DIAPH3: variants seen among roughly 807,000 people sequenced by gnomAD.
The protein encoded by DIAPH3 is diaphanous related formin 3.
In DIAPH3, 117 loss-of-function variants were observed where a neutral mutation model predicts 144.3. The observed-to-expected ratio is 0.81, with a 90% CI of 0.70 to 0.95. The LOEUF (loss-of-function observed/expected upper bound fraction) is 0.95, where lower values mean the gene tolerates loss of function less well. DIAPH3 is among the 40% of genes least tolerant of loss of function. The probability of loss-of-function intolerance (pLI) is 0.00; values close to 1 mark genes in which losing one functional copy is unlikely to be tolerated. For synonymous variants in DIAPH3, 519 were observed against 488.9 expected (o/e 1.06, Z -0.81); for missense variants, 1,421 against 1,412.7 (o/e 1.01, Z -0.09).
intron 17 of DIAPH3, among the ~76,000 whole-genome samples, chr13:59,934,715 A>G (rs2048180953): frequency 6.6e-6 from 1 of 152,132 alleles, no homozygotes. Flanking sequence ...AGAGAATATA[A>G]GCTACATGCT....
intron 25 of DIAPH3, among the ~76,000 whole-genome samples, chr13:59,798,528 C>T (rs1015110341): frequency 6.6e-6 from 1 of 152,164 alleles, no homozygotes; most frequent in African/African-American, 2.4e-5. Flanking sequence ...GAAACTCTGG[C>T]CCTTCATTTC....
At chr13:59,888,028 T>C (rs1417172178) in intron 20 of DIAPH3, among the ~76,000 whole-genome samples, 2 of 152,148 alleles carry the variant, frequency 1.3e-5, no homozygotes, top group Non-Finnish European at 2.9e-5. Flanking sequence ...ATATTTTTCA[T>C]GTGCTATTTT....
intron 25 of DIAPH3, among the ~76,000 whole-genome samples, chr13:59,809,429 G>C (rs778330102): frequency 6.6e-6 from 1 of 151,452 alleles, no homozygotes; most frequent in African/African-American, 2.4e-5. Flanking sequence ...TCGAACCCAG[G>C]AGGCAGAAGT....
chr13:59,675,617 C>A (rs1435162595), intron 27 of DIAPH3, among the ~76,000 whole-genome samples: 3 of 152,182 alleles, frequency 2.0e-5, no homozygotes, highest in Non-Finnish European at 4.4e-5. Flanking sequence ...ATCTCCTGAG[C>A]TTGTGATCCA....
chr13:59,931,328 C>T (rs2048006152), intron 17 of DIAPH3, among the ~76,000 whole-genome samples: 1 of 152,156 alleles, frequency 6.6e-6, no homozygotes, highest in African/African-American at 2.4e-5. Flanking sequence ...AGTCTCCTTG[C>T]TTTCAGGCTT....
chr13:60,135,543 A>G (rs2059248306), intron 1 of DIAPH3, among the ~76,000 whole-genome samples: 1 of 152,192 alleles, frequency 6.6e-6, no homozygotes, highest in African/African-American at 2.4e-5. Flanking sequence ...TCTCTTCCAG[A>G]GAACACTTAC....
At chr13:59,856,245 G>C (rs2043246031) in intron 22 of DIAPH3, among the ~76,000 whole-genome samples, 1 of 152,086 alleles carries the variant, frequency 6.6e-6, no homozygotes, top group Admixed American at 6.6e-5. Flanking sequence ...CAACTGATTT[G>C]ATAAAGTGAA....
At chr13:60,073,308 CAAA>C (rs550329629) in intron 4 of DIAPH3, among the ~76,000 whole-genome samples, 3 of 123,318 alleles carry the variant, frequency 2.4e-5, no homozygotes, top group Non-Finnish European at 1.7e-5. Context: ...GATGTTGTCT[CAAA>C]AAAAAAAAAA....
intron 1 of DIAPH3, among the ~76,000 whole-genome samples, chr13:60,158,806 G>A (rs965128197): frequency 1.4e-5 from 2 of 147,050 alleles, no homozygotes; most frequent in African/African-American, 5.0e-5. Context: ...GGGGCTGGAA[G>A]AGCAAAGAGC....
chr13:59,996,962 T>C lies in DIAPH3; in HGVS notation c.1015-4379A>G, dbSNP rs368468747. Among the ~76,000 whole-genome samples the C allele has an allele frequency of 4.6e-5, 7 of 152,230 alleles. No individual in the cohort carries two copies. In the South Asian group the frequency reaches 1.4e-3, roughly 32 times the overall value. ...GGTACATAATTTACTGCAATTACTA[T>C]GTTCAACACAAATATGAGAAAAGAC... On this transcript the variant is annotated intron_variant, in intron 9 of 27. Coordinates refer to ENST00000400324, the MANE Select transcript of DIAPH3 (RefSeq NM_001042517.2).
chr13:59,861,050 G>T (rs909593129), intron 22 of DIAPH3, among the ~76,000 whole-genome samples: 4 of 152,138 alleles, frequency 2.6e-5, no homozygotes, highest in Non-Finnish European at 4.4e-5. Context: ...CTGGTATCAG[G>T]TATGTAATAG....
intron 1 of DIAPH3, among the ~76,000 whole-genome samples, chr13:60,134,851 C>G (rs895478863): frequency 2.0e-5 from 3 of 152,102 alleles, no homozygotes; most frequent in Admixed American, 6.6e-5. Flanking sequence ...AAAACATCTA[C>G]TTAAACAAAT....
rs1363013927 is a variant in DIAPH3 at position 59,697,296 on chromosome 13, A to G, written c.3320-30450T>C. Among the ~76,000 whole-genome samples the G allele has an allele frequency of 2.0e-5, 3 of 151,352 alleles. No individual in the cohort carries two copies. In the East Asian group the frequency reaches 5.8e-4, roughly 29 times the overall value. On this transcript the variant is annotated intron_variant, in intron 27 of 27. Transcript: ENST00000400324. ...AACACGGTGAAACCCCGTCTCTACT[A>G]AAAATACAAAAAAATTAGCCGGGCG...
chr13:59,774,577 G>A (rs2038295868), intron 26 of DIAPH3, 151 bp downstream of exon 26: 1 of 779,496 alleles, frequency 1.3e-6, no homozygotes, highest in Non-Finnish European at 2.2e-6. Context: ...ATTTGTCTGT[G>A]CAAGGGATTA....
chr13:59,885,497 A>G (rs1014946966), intron 20 of DIAPH3, among the ~76,000 whole-genome samples: 3 of 149,608 alleles, frequency 2.0e-5, no homozygotes, highest in Non-Finnish European at 3.0e-5. Flanking sequence ...CACGTTGTAT[A>G]ATTCAGTACT....
intron 4 of DIAPH3, among the ~76,000 whole-genome samples, chr13:60,085,922 T>G (rs755359946): frequency 6.6e-6 from 1 of 151,996 alleles, no homozygotes; most frequent in Non-Finnish European, 1.5e-5. Context: ...AGTGACAAGA[T>G]GAAAACAACT....
intron 3 of DIAPH3, among the ~76,000 whole-genome samples, chr13:60,105,086 T>A (rs60121699): frequency 1.4e-5 from 1 of 71,568 alleles, no homozygotes; most frequent in Non-Finnish European, 2.4e-5. Flanking sequence ...GGCGACAAAG[T>A]GAGACACGAT....
intron 27 of DIAPH3, among the ~76,000 whole-genome samples, chr13:59,712,451 A>G (rs1299236096): frequency 6.6e-6 from 1 of 152,152 alleles, no homozygotes; most frequent in African/African-American, 2.4e-5. Context: ...TTTTCTCTCT[A>G]TTCCCACTGG....
At chr13:60,114,446 T>G (rs181788814) in intron 2 of DIAPH3, among the ~76,000 whole-genome samples, 7 of 151,800 alleles carry the variant, frequency 4.6e-5, no homozygotes, top group Non-Finnish European at 8.8e-5. Flanking sequence ...AGAAAAAAAA[T>G]TGAGTATGAT....
Sources: gnomAD v4.1 joint callset for allele counts (sites outside exome capture counted in the v4.1 genomes callset) on GRCh38, gnomAD v4.1.1 for gene constraint, MANE v1.5 for transcripts, NCBI Gene and HGNC (gene_info 2026-07-23, HGNC 2026-07-21) for gene names.